The following PDE11A variants were observed in gnomAD, a reference collection of about 807,000 sequenced individuals.
PDE11A encodes the protein dual 3',5'-cyclic-AMP and -GMP phosphodiesterase 11A.
In PDE11A, 100 loss-of-function variants were observed where a neutral mutation model predicts 100.5. The ratio of observed to expected loss-of-function variants is 1.00; its 90% confidence interval spans 0.85 to 1.18. PDE11A has a LOEUF of 1.18. Among genes scored for constraint, PDE11A ranks in the 50% most tolerant of loss-of-function variants. PDE11A has a pLI of 0.00. For missense variants in PDE11A, 1,141 were observed against 1,152.6 expected (o/e 0.99, Z 0.15); for synonymous variants, 381 against 420.8 (o/e 0.91, Z 1.16).
rs1433320166 is a variant in PDE11A, at chr2:177,637,997, A to ATAT, written c.2647-8436_2647-8435insATA. On this transcript the variant is annotated intron_variant, in intron 19 of 19. Coordinates refer to ENST00000286063, the MANE Select transcript of PDE11A (RefSeq NM_016953.4). ...TACACGTGTATATATATATATATATATTTTTTTTTTTTTTTTTTTTGAGAT... is the reference window on the plus strand; with the variant it reads ...TACACGTGTATATATATATATATATATATTTTTTTTTTTTTTTTTTTTTGAGAT... Among the ~76,000 whole-genome samples the ATAT allele has an allele frequency of 3.5e-4, 37 of 106,524 alleles. 1 individual carries two copies. Among genetic ancestry groups the ATAT allele is most frequent in the African/African-American group, 1.4e-3 (34 of 24,730 alleles). 69.9% of individuals were successfully genotyped at this position (106,524 alleles called of 152,430 possible). A position where few individuals can be genotyped will look rare whatever the true frequency, so the allele number is the denominator to read the frequency against.
intron 2 of PDE11A, among the ~76,000 whole-genome samples, chr2:177,959,042 T>C (rs2085599003): frequency 6.6e-6 from 1 of 152,086 alleles, no homozygotes; most frequent in South Asian, 2.1e-4. Flanking sequence ...AGTAAATGAA[T>C]AACTACGCTG....
intron 5 of PDE11A, among the ~76,000 whole-genome samples, chr2:177,847,070 C>T (rs1240189939): frequency 6.6e-6 from 1 of 152,154 alleles, no homozygotes; most frequent in Non-Finnish European, 1.5e-5. Flanking sequence ...CCACCTGTCT[C>T]CAATTCCTTA....
chr2:178,005,703 T>A (rs2086200705), intron 2 of PDE11A, among the ~76,000 whole-genome samples: 1 of 152,216 alleles, frequency 6.6e-6, no homozygotes, highest in Non-Finnish European at 1.5e-5. Context: ...TGAATAGTTC[T>A]TCCACACAAA....
At chr2:177,859,363 T>A (rs1037103331) in intron 5 of PDE11A, among the ~76,000 whole-genome samples, 3 of 151,722 alleles carry the variant, frequency 2.0e-5, no homozygotes, top group African/African-American at 2.4e-5. Flanking sequence ...GGTTAATGGA[T>A]AACAAAATGT....
intron 9 of PDE11A, among the ~76,000 whole-genome samples, chr2:177,784,088 A>C (rs2105522161): frequency 6.6e-6 from 1 of 152,032 alleles, no homozygotes; most frequent in East Asian, 1.9e-4. Context: ...CAGTTACAGA[A>C]GATGAAACCT....
rs533910187 is a variant in PDE11A at position 177,997,593 on chromosome 2, T to G, written c.1071+16709A>C. The G allele has an allele frequency of 2.2e-5, 21 of 970,294 alleles. No individual in the cohort carries two copies. The African/African-American group carries it at 3.4e-4, about 15-fold the overall frequency. The allele number at this position is 970,294 out of a possible 1,614,324, so 60.1% of individuals were successfully genotyped here. On this transcript the variant is annotated intron_variant, in intron 2 of 19. Coordinates refer to ENST00000286063, the MANE Select transcript of PDE11A (RefSeq NM_016953.4). ...TTCTCACCTGTTTCACCTGGAGAGC[T>G]AAGTGAAGTTGTCTGATATAAACTT...
At chr2:177,906,406 A>T (rs1406771673) in intron 2 of PDE11A, among the ~76,000 whole-genome samples, 1 of 152,196 alleles carries the variant, frequency 6.6e-6, no homozygotes, top group African/African-American at 2.4e-5. Flanking sequence ...GACTTGAGGT[A>T]CACAAAAGAT....
intron 2 of PDE11A, among the ~76,000 whole-genome samples, chr2:178,001,520 A>G (rs1171704607): frequency 1.3e-5 from 2 of 152,156 alleles, no homozygotes; most frequent in African/African-American, 4.8e-5. Context: ...TGGATTTTAG[A>G]TATCAACTCT....
At chr2:177,933,068 CCA>C (rs58818826) in intron 2 of PDE11A, among the ~76,000 whole-genome samples, 42 of 146,904 alleles carry the variant, frequency 2.9e-4, no homozygotes, top group East Asian at 1.0e-3. Flanking sequence ...TTTACAATAG[CCA>C]CACACACACA....
chr2:177,834,912 T>C (rs1017661483), intron 6 of PDE11A, among the ~76,000 whole-genome samples: 8 of 152,112 alleles, frequency 5.3e-5, no homozygotes, highest in African/African-American at 9.7e-5. Flanking sequence ...ACACCCTTTT[T>C]CTCTCCCTTG....
chr2:177,947,498 G>C (rs1402716352), intron 2 of PDE11A, among the ~76,000 whole-genome samples: 1 of 152,200 alleles, frequency 6.6e-6, no homozygotes, highest in Non-Finnish European at 1.5e-5. Context: ...AACATGTGCT[G>C]TGTCCACTCA....
chr2:178,089,612 C>T (rs1220637090), intron 2 of PDE11A, among the ~76,000 whole-genome samples: 1 of 152,172 alleles, frequency 6.6e-6, no homozygotes, highest in Non-Finnish European at 1.5e-5. Context: ...GCTAAAACTG[C>T]ACTAAGTGGA....
intron 4 of PDE11A, among the ~76,000 whole-genome samples, chr2:177,889,568 T>C (rs372704655): frequency 8.5e-5 from 13 of 152,248 alleles, no homozygotes; most frequent in African/African-American, 2.6e-4. Context: ...TCTGATTCCA[T>C]TTTTATCATT....
intron 10 of PDE11A, among the ~76,000 whole-genome samples, chr2:177,735,691 G>T (rs1438944279): frequency 1.3e-5 from 2 of 152,184 alleles, no homozygotes; most frequent in African/African-American, 4.8e-5. Context: ...AATAGGCTTG[G>T]ACCCCTTGGC....
chr2:177,700,631 C>T (rs1455313507), intron 14 of PDE11A, among the ~76,000 whole-genome samples: 2 of 152,166 alleles, frequency 1.3e-5, no homozygotes, highest in African/African-American at 4.8e-5. Context: ...GTTCTCACTT[C>T]CTAACTGGTC....
At chr2:177,675,646 A>C in intron 16 of PDE11A, 128 bp from the exon 17 acceptor site, 1 of 749,944 alleles carries the variant, frequency 1.3e-6, no homozygotes, top group Non-Finnish European at 2.4e-6. Flanking sequence ...CCTTTCCTCA[A>C]CAAGGGGCAG....
intron 19 of PDE11A, among the ~76,000 whole-genome samples, chr2:177,639,408 C>A (rs1368857684): frequency 1.3e-5 from 2 of 152,108 alleles, no homozygotes; most frequent in African/African-American, 4.8e-5. Context: ...GGCCTTTTAT[C>A]TTTGTATCTT....
At chr2:177,993,482 T>C (rs2086029229) in intron 2 of PDE11A, among the ~76,000 whole-genome samples, 1 of 152,220 alleles carries the variant, frequency 6.6e-6, no homozygotes, top group Non-Finnish European at 1.5e-5. Context: ...CTTAAAATTT[T>C]TCTGTAAGGA....
At chr2:177,960,150 C>CTT (rs1419846692) in intron 2 of PDE11A, among the ~76,000 whole-genome samples, 1 of 151,518 alleles carries the variant, frequency 6.6e-6, no homozygotes, top group Non-Finnish European at 1.5e-5. Flanking sequence ...TTTCCATTAT[C>CTT]TTTTTCATCA....
Sources: gnomAD v4.1 joint callset for allele counts (sites outside exome capture counted in the v4.1 genomes callset) on GRCh38, gnomAD v4.1.1 for gene constraint, MANE v1.5 for transcripts, NCBI Gene and HGNC (gene_info 2026-07-23, HGNC 2026-07-21) for gene names.